Variants in MAP2K5 observed in about 807,000 individuals in gnomAD.
MAP2K5 encodes dual specificity mitogen-activated protein kinase kinase 5.
MAP2K5 carries 49 observed loss-of-function variants against 83.1 expected under a neutral mutation model. The ratio of observed to expected loss-of-function variants is 0.59; its 90% CI spans 0.47 to 0.75. The LOEUF (loss-of-function observed/expected upper bound fraction) is 0.75, where lower values mean the gene tolerates loss of function less well. MAP2K5 is among the 30% of genes least tolerant of loss of function. The pLI is 0.00. For synonymous variants in MAP2K5, 202 were observed against 191.8 expected, an observed-to-expected ratio of 1.05 and a Z score of -0.44; for missense variants, 457 against 557.5, an observed-to-expected ratio of 0.82 and a Z score of 1.82.
At chr15:67,762,010 A>G (rs997754455) in intron 19 of MAP2K5, among the ~76,000 whole-genome samples, 1 of 152,240 alleles carries the variant, frequency 6.6e-6, no homozygotes, top group African/African-American at 2.4e-5. Flanking sequence ...GTAAAAGCAC[A>G]GGTAGGAATT....
At chr15:67,629,753 G>A (rs1360414333) in intron 8 of MAP2K5, among the ~76,000 whole-genome samples, 1 of 151,956 alleles carries the variant, frequency 6.6e-6, no homozygotes, top group African/African-American at 2.4e-5. Flanking sequence ...ATCCTCTATA[G>A]GGCAAGATTT....
intron 6 of MAP2K5, among the ~76,000 whole-genome samples, chr15:67,591,662 C>A (rs1337357459): frequency 6.6e-6 from 1 of 151,838 alleles, no homozygotes; most frequent in African/African-American, 2.4e-5. Flanking sequence ...AGCCACCGCG[C>A]CGGCCCCTTA....
chr15:67,619,540 A>C (rs1034117074), intron 8 of MAP2K5, among the ~76,000 whole-genome samples: 6 of 152,250 alleles, frequency 3.9e-5, no homozygotes, highest in Non-Finnish European at 5.9e-5. Flanking sequence ...AATGAACAAA[A>C]TGGACCCTGA....
chr15:67,650,119 G>T (rs2086916940), intron 11 of MAP2K5, among the ~76,000 whole-genome samples: 1 of 151,560 alleles, frequency 6.6e-6, no homozygotes, highest in African/African-American at 2.4e-5. Context: ...TTCATTTTTG[G>T]ATTGTTCATT....
chr15:67,764,762 CT>C lies in MAP2K5; in HGVS notation c.1135-4839del, dbSNP rs2090011051. Among the ~76,000 whole-genome samples the C allele has an allele frequency of 2.0e-5, 3 of 152,308 alleles. No individual in the cohort carries two copies. The highest frequency in any genetic ancestry group is 1.3e-4 in the Admixed American group (2 of 15,302). On this transcript the variant is annotated intron_variant, in intron 19 of 21. Transcript: ENST00000178640. This position sits in a 1 kb window ranked among gnomAD's most constrained non-coding sequence, Gnocchi z 4.9. Reference sequence around the variant, plus strand: ...ACCACCACATTATTGTCAGGTCCCCCTGTCACCTTTAATTATGAATTATAGG... The same window carrying C: ...ACCACCACATTATTGTCAGGTCCCCCGTCACCTTTAATTATGAATTATAGG...
intron 13 of MAP2K5, chr15:67,679,989 C>T (rs2087776782): frequency 6.6e-6 from 1 of 152,208 alleles, no homozygotes; most frequent in African/African-American, 2.4e-5. Context: ...CTGCTCCTGT[C>T]CTCAGCCCCA....
At chr15:67,718,861 G>T (rs921554613) in intron 16 of MAP2K5, among the ~76,000 whole-genome samples, 1 of 152,092 alleles carries the variant, frequency 6.6e-6, no homozygotes, top group African/African-American at 2.4e-5. Flanking sequence ...TCACATCAGG[G>T]TAAATGGGGT....
rs547306962 is a variant in MAP2K5 at position 67,797,652 on chromosome 15, G to T, written c.1243-8994G>T. On this transcript the variant is annotated intron_variant, in intron 21 of 21. Coordinates refer to ENST00000178640, the MANE Select transcript of MAP2K5 (RefSeq NM_145160.3). ...TATTTATTTTACTTGGAAATCACTG[G>T]TTTTTTTTAAATTTGAGAATTCACA... is the stretch of plus-strand genomic sequence containing the variant. Among the ~76,000 whole-genome samples, 97 of 151,792 alleles carry T rather than the reference G, an allele frequency of 6.4e-4. 1 individual carries two copies. The highest frequency in any genetic ancestry group is 5.0e-3 in the South Asian group (24 of 4,784).
chr15:67,763,351 A>G (rs999305869), intron 19 of MAP2K5, among the ~76,000 whole-genome samples: 3 of 152,204 alleles, frequency 2.0e-5, no homozygotes, highest in East Asian at 1.9e-4. Flanking sequence ...CAAATCTGCT[A>G]TGTAGTTATG....
intron 21 of MAP2K5, among the ~76,000 whole-genome samples, chr15:67,789,268 T>C (rs2090473153): frequency 6.6e-6 from 1 of 152,222 alleles, no homozygotes; most frequent in Non-Finnish European, 1.5e-5. Flanking sequence ...TAGGATATTT[T>C]GACCATTTCC....
At chr15:67,658,731 A>T (rs1167627752) in intron 12 of MAP2K5, 117 bp downstream of exon 12, 2 of 860,384 alleles carry the variant, frequency 2.3e-6, no homozygotes, top group South Asian at 2.7e-5. Flanking sequence ...GGCTCCTAAG[A>T]CCTTCTTGAT....
intron 13 of MAP2K5, among the ~76,000 whole-genome samples, chr15:67,687,071 C>T (rs2087976198): frequency 6.6e-6 from 1 of 152,090 alleles, no homozygotes; most frequent in African/African-American, 2.4e-5. Flanking sequence ...ATTCATCAGA[C>T]TCATCAAACT....
chr15:67,626,117 GTTGGAA>G (rs1449483238), intron 8 of MAP2K5, among the ~76,000 whole-genome samples: 2 of 152,102 alleles, frequency 1.3e-5, no homozygotes, highest in African/African-American at 2.4e-5. Flanking sequence ...ATTTTTAAAA[GTTGGAA>G]TTGGAAGAAT....
At chr15:67,626,459 G>C (rs181351628) in intron 8 of MAP2K5, among the ~76,000 whole-genome samples, 3 of 151,988 alleles carry the variant, frequency 2.0e-5, no homozygotes, top group African/African-American at 4.8e-5. Context: ...CCTGGGTTTC[G>C]GAGGATGCAG....
chr15:67,574,920 C>CG (rs914573133), intron 3 of MAP2K5, among the ~76,000 whole-genome samples: 15 of 151,842 alleles, frequency 9.9e-5, no homozygotes, highest in African/African-American at 3.6e-4. Context: ...TGGTTAAATA[C>CG]GGGGGAGAAG....
At chr15:67,579,375 C>T (rs1487252668) in intron 3 of MAP2K5, among the ~76,000 whole-genome samples, 1 of 152,182 alleles carries the variant, frequency 6.6e-6, no homozygotes, top group Non-Finnish European at 1.5e-5. Flanking sequence ...TACTTGTCAT[C>T]ACTGTTTGAG....
At position 67,628,503 on chromosome 15, in the gene MAP2K5, A is replaced by C. The variant is rs2086380651; in HGVS notation, c.546-2385A>C. On this transcript the variant is annotated intron_variant, in intron 8 of 21. Transcript: ENST00000178640. ...TAAAAAAAAATAAAAATAAAAAATA[A>C]AAAAAAGACACTGAGGAATATCACC... 3 of 706,288 alleles carry C rather than the reference A, an allele frequency of 4.2e-6. No individual in the cohort carries two copies. In the African/African-American group the frequency reaches 5.5e-5, roughly 13 times the overall value. 43.8% of individuals were successfully genotyped at this position (706,288 alleles called of 1,614,324 possible).
intron 4 of MAP2K5, 26 bp downstream of exon 4, chr15:67,580,849 C>T: frequency 7.0e-7 from 1 of 1,435,184 alleles, no homozygotes; most frequent in Non-Finnish European, 9.8e-7. Context: ...TTCTAATCAA[C>T]AATGATTATT....
intron 17 of MAP2K5, among the ~76,000 whole-genome samples, chr15:67,735,320 G>T (rs1189172629): frequency 6.6e-6 from 1 of 152,212 alleles, no homozygotes; most frequent in African/African-American, 2.4e-5. Context: ...TAAATTATTT[G>T]TTAATACTTC....
Sources: allele counts gnomAD v4.1 joint callset (sites outside exome capture counted in the v4.1 genomes callset), GRCh38; gene constraint gnomAD v4.1.1; non-coding constraint Gnocchi (gnomAD v3.1); transcripts MANE v1.5; gene names NCBI Gene and HGNC (gene_info 2026-07-23, HGNC 2026-07-21).